C1orf21: variants seen among roughly 807,000 people sequenced by gnomAD.
The protein encoded by C1orf21 is uncharacterized protein C1orf21.
In C1orf21, 3 loss-of-function variants were observed where a neutral mutation model predicts 18.7. The observed-to-expected ratio is 0.16, with a 90% CI of 0.07 to 0.42. C1orf21 has a LOEUF of 0.42. Among genes scored for constraint, C1orf21 ranks in the 10% least tolerant of loss-of-function variants. The pLI is 0.99. For synonymous variants in C1orf21, 41 were observed against 46.4 expected, an observed-to-expected ratio of 0.88 and a Z score of 0.47; for missense variants, 104 against 143.6, an observed-to-expected ratio of 0.72 and a Z score of 1.41.
At chr1:184,392,036 G>GC (rs1251411973) in intron 1 of C1orf21, among the ~76,000 whole-genome samples, 9 of 152,116 alleles carry the variant, frequency 5.9e-5, no homozygotes, top group Non-Finnish European at 1.2e-4. Context: ...CTAGTTAGGA[G>GC]CATCTTGATT....
chr1:184,565,209 G>A (rs1001005210), intron 3 of C1orf21, among the ~76,000 whole-genome samples: 1 of 152,122 alleles, frequency 6.6e-6, no homozygotes, highest in Admixed American at 6.5e-5. Context: ...ATTTAGAACA[G>A]AACAATATTG....
At chr1:184,510,289 A>T (rs1658125095) in intron 3 of C1orf21, among the ~76,000 whole-genome samples, 1 of 152,228 alleles carries the variant, frequency 6.6e-6, no homozygotes, top group Non-Finnish European at 1.5e-5. Flanking sequence ...CAAATATTTG[A>T]TTGCCTCTTG....
chr1:184,537,123 T>G (rs1658569124), intron 3 of C1orf21, among the ~76,000 whole-genome samples: 1 of 152,176 alleles, frequency 6.6e-6, no homozygotes, highest in African/African-American at 2.4e-5. Flanking sequence ...TTGGGTTTTT[T>G]TAATTGTGGT....
intron 1 of C1orf21, among the ~76,000 whole-genome samples, chr1:184,445,343 C>CCTCT (rs57710614): frequency 0.028 from 3,742 of 134,804 alleles, 69 homozygotes; most frequent in African/African-American, 0.039. Context: ...TTTTTTCAGA[C>CCTCT]CTCTCTCTCT....
intron 5 of C1orf21, among the ~76,000 whole-genome samples, chr1:184,601,405 T>TA (rs1483427655): frequency 6.6e-6 from 1 of 152,196 alleles, no homozygotes; most frequent in Non-Finnish European, 1.5e-5. Context: ...AAAATAGATG[T>TA]AAAAGCACCA....
chr1:184,531,550 A>G (rs1040654249), intron 3 of C1orf21, among the ~76,000 whole-genome samples: 5 of 152,120 alleles, frequency 3.3e-5, no homozygotes, highest in African/African-American at 9.7e-5. Flanking sequence ...TAACTTTTTC[A>G]TGTGATGTCC....
chr1:184,415,543 A>G (rs1278587456), intron 1 of C1orf21, among the ~76,000 whole-genome samples: 1 of 152,184 alleles, frequency 6.6e-6, no homozygotes, highest in Non-Finnish European at 1.5e-5. Flanking sequence ...AGTGCTTTCC[A>G]AACTGTGGGA....
intron 2 of C1orf21, among the ~76,000 whole-genome samples, chr1:184,493,588 G>A (rs959040271): frequency 6.6e-6 from 1 of 152,196 alleles, no homozygotes; most frequent in African/African-American, 2.4e-5. Context: ...CTGTATAAAT[G>A]TCACTGTTGA....
chr1:184,472,715 AT>A (rs1158512449), intron 1 of C1orf21, among the ~76,000 whole-genome samples: 19 of 152,282 alleles, frequency 1.2e-4, no homozygotes, highest in African/African-American at 4.6e-4. Flanking sequence ...GAAAAGAATT[AT>A]TATAATCTTT....
At chr1:184,465,909 G>A (rs1657386887) in intron 1 of C1orf21, among the ~76,000 whole-genome samples, 1 of 152,134 alleles carries the variant, frequency 6.6e-6, no homozygotes. Context: ...TTAACACCAC[G>A]AGGCGCTGGC....
chr1:184,568,148 TCTC>T (rs1468530151), intron 3 of C1orf21, among the ~76,000 whole-genome samples: 2 of 152,170 alleles, frequency 1.3e-5, no homozygotes, highest in African/African-American at 2.4e-5. Flanking sequence ...GCCCAGGCAT[TCTC>T]CTATCTGCTA....
At chr1:184,613,615 C>T (rs1056386351) in intron 5 of C1orf21, among the ~76,000 whole-genome samples, 4 of 152,148 alleles carry the variant, frequency 2.6e-5, no homozygotes, top group Non-Finnish European at 5.9e-5. Context: ...TACCAGGACA[C>T]TTTCTGTGTA....
intron 3 of C1orf21, among the ~76,000 whole-genome samples, chr1:184,536,629 C>T (rs958782104): frequency 1.3e-5 from 2 of 152,106 alleles, no homozygotes; most frequent in African/African-American, 4.8e-5. Flanking sequence ...TAGTAGGTGC[C>T]TGCCATAGCA....
In C1orf21 at chr1:184,577,947, G is replaced by GTTTTTTTTTTTTTTTTTTTT. The variant is rs201196718; in HGVS notation, c.190-12787_190-12786insTTTTTTTTTTTTTTTTTTTT. On this transcript the variant is annotated intron_variant, in intron 3 of 5. Coordinates refer to ENST00000235307, the MANE Select transcript of C1orf21 (RefSeq NM_030806.4). ...TCTTTGTCCGTTTGTTTTTTGTTTT[G>GTTTTTTTTTTTTTTTTTTTT]TTTTTGTTTTTTTTTTTTTTTTTTG... 1.0e-4 allele frequency among the ~76,000 whole-genome samples: 9 copies of GTTTTTTTTTTTTTTTTTTTT among 86,722 alleles called. 2 individuals carry two copies. The highest frequency in any genetic ancestry group is 3.3e-4 in the African/African-American group (6 of 18,106). 56.9% of individuals were successfully genotyped at this position (86,722 alleles called of 152,430 possible).
chr1:184,562,602 A>G (rs1658983248), intron 3 of C1orf21, among the ~76,000 whole-genome samples: 1 of 152,190 alleles, frequency 6.6e-6, no homozygotes, highest in Non-Finnish European at 1.5e-5. Flanking sequence ...AAGGCAACAT[A>G]GTGATATCTT....
At chr1:184,583,877 C>T (rs1385711253) in intron 3 of C1orf21, among the ~76,000 whole-genome samples, 4 of 152,268 alleles carry the variant, frequency 2.6e-5, no homozygotes, top group African/African-American at 9.6e-5. Flanking sequence ...ATACTTAGTT[C>T]ACAAGTGTCA....
Position 184,628,841 on chromosome 1 carries a change from A to G in C1orf21, c.*9285A>G, listed in dbSNP as rs1332335984. The G allele has an allele frequency of 3.9e-5, 6 of 152,504 alleles. No homozygotes were observed. Among genetic ancestry groups the G allele is most frequent in the Non-Finnish European group, 1.5e-5 (1 of 68,016 alleles). The allele number at this position is 152,504 out of a possible 1,614,324, so 9.4% of individuals were successfully genotyped here. A position where few individuals can be genotyped will look rare whatever the true frequency, so the allele number is the denominator to read the frequency against. On this transcript the variant is annotated 3_prime_UTR_variant, in exon 6 of 6. Transcript: ENST00000235307. ...CTACCCCCCACGTAGCAGTGGGCCC[A>G]TGTCGCTTGAATATTATTTTTGATT...
chr1:184,432,447 C>G (rs1329886131), intron 1 of C1orf21, among the ~76,000 whole-genome samples: 1 of 152,054 alleles, frequency 6.6e-6, no homozygotes, highest in Non-Finnish European at 1.5e-5. Flanking sequence ...CATGTTCTCA[C>G]TCGTAAGTAG....
At chr1:184,454,543 TG>T (rs1657169636) in intron 1 of C1orf21, among the ~76,000 whole-genome samples, 3 of 152,264 alleles carry the variant, frequency 2.0e-5, no homozygotes, top group Non-Finnish European at 4.4e-5. Context: ...AGGTGGGGCC[TG>T]GCAGGAGGTG....
Sources: allele counts gnomAD v4.1 joint callset (sites outside exome capture counted in the v4.1 genomes callset), GRCh38; gene constraint gnomAD v4.1.1; transcripts MANE v1.5; gene names NCBI Gene and HGNC (gene_info 2026-07-23, HGNC 2026-07-21).